The following PTPRD variants were observed in gnomAD, a reference collection of about 807,000 sequenced individuals.
The protein encoded by PTPRD is receptor-type tyrosine-protein phosphatase delta.
A neutral mutation model predicts 214.5 loss-of-function variants in PTPRD; 34 were observed. The ratio of observed to expected loss-of-function variants is 0.16; its 90% CI spans 0.12 to 0.21. The LOEUF is 0.21. Ranked by LOEUF, PTPRD falls within the 10% of genes least tolerant of loss-of-function variation. PTPRD has a pLI of 1.00. For synonymous variants in PTPRD, 1,128 were observed against 845.7 expected (o/e 1.33, Z -5.79); for missense variants, 2,545 against 2,398.7 (o/e 1.06, Z -1.27).
At chr9:9,312,909 G>A (rs551592744) in intron 9 of PTPRD, among the ~76,000 whole-genome samples, 1 of 152,256 alleles carries the variant, frequency 6.6e-6, no homozygotes, top group Non-Finnish European at 1.5e-5. Context: ...ATCCTCACAA[G>A]TTTTGCTTTG....
At chr9:8,821,644 G>C (rs150679073) in intron 11 of PTPRD, among the ~76,000 whole-genome samples, 2 of 152,288 alleles carry the variant, frequency 1.3e-5, no homozygotes, top group East Asian at 3.9e-4. Context: ...TTTCTAAGTA[G>C]AAATAACAAC....
At chr9:10,600,809 C>T (rs1178458515) in intron 2 of PTPRD, among the ~76,000 whole-genome samples, 1 of 151,690 alleles carries the variant, frequency 6.6e-6, no homozygotes, top group Non-Finnish European at 1.5e-5. Flanking sequence ...AAAGAAGTCT[C>T]ATACAGAGTA....
At chr9:8,746,622 T>C (rs987323823) in intron 11 of PTPRD, among the ~76,000 whole-genome samples, 3 of 152,198 alleles carry the variant, frequency 2.0e-5, no homozygotes, top group African/African-American at 7.2e-5. Context: ...CCAAACTTTC[T>C]AGAAACCAAT....
intron 11 of PTPRD, among the ~76,000 whole-genome samples, chr9:8,848,389 G>A (rs1230530168): frequency 6.9e-6 from 1 of 144,048 alleles, no homozygotes. Flanking sequence ...AGACTAGAAT[G>A]CAGTGGCACG....
intron 3 of PTPRD, among the ~76,000 whole-genome samples, chr9:10,089,134 G>C (rs1237822816): frequency 6.6e-6 from 1 of 151,318 alleles, no homozygotes; most frequent in African/African-American, 2.4e-5. Context: ...TTAAGCCTAG[G>C]AGTTTGAGGT....
At chr9:8,808,262 A>G (rs2096727467) in intron 11 of PTPRD, among the ~76,000 whole-genome samples, 1 of 152,164 alleles carries the variant, frequency 6.6e-6, no homozygotes, top group African/African-American at 2.4e-5. Flanking sequence ...TGAGAGGTGA[A>G]CAACAGCAAC....
At chr9:8,860,860 T>C (rs1435956192) in intron 11 of PTPRD, 2 of 152,226 alleles carry the variant, frequency 1.3e-5, no homozygotes, top group Admixed American at 1.3e-4. Flanking sequence ...TCAGACATCA[T>C]GATCCAGTGC....
chr9:8,454,551 A>G, intron 33 of PTPRD: 2 of 1,612,338 alleles, frequency 1.2e-6, no homozygotes, highest in Non-Finnish European at 1.7e-6. Context: ...CTTACTGAAC[A>G]TTAAAGGGGT....
At chr9:9,939,837 G>A (rs928194704) in intron 4 of PTPRD, among the ~76,000 whole-genome samples, 1 of 152,156 alleles carries the variant, frequency 6.6e-6, no homozygotes, top group Non-Finnish European at 1.5e-5. Context: ...ATTGCTTAAT[G>A]TAAATCAAAC....
intron 11 of PTPRD, among the ~76,000 whole-genome samples, chr9:8,951,590 T>G (rs2099102523): frequency 6.6e-6 from 1 of 151,980 alleles, no homozygotes; most frequent in Non-Finnish European, 1.5e-5. Flanking sequence ...CCATCTCCTA[T>G]GTCTAATGTT....
chr9:8,869,123 A>G (rs1008924338), intron 11 of PTPRD, among the ~76,000 whole-genome samples: 12 of 152,176 alleles, frequency 7.9e-5, no homozygotes, highest in Admixed American at 3.3e-4. Context: ...CTTGGAAGCA[A>G]ATTGAAACTA....
intron 10 of PTPRD, among the ~76,000 whole-genome samples, chr9:9,037,358 T>G (rs111740942): frequency 6.6e-6 from 1 of 152,030 alleles, no homozygotes; most frequent in Non-Finnish European, 1.5e-5. Flanking sequence ...TAAAATAGAA[T>G]GAACAAAGGA....
intron 3 of PTPRD, among the ~76,000 whole-genome samples, chr9:10,172,116 A>G (rs1179358077): frequency 6.6e-6 from 1 of 152,174 alleles, no homozygotes; most frequent in Non-Finnish European, 1.5e-5. Context: ...ATGGTTCTTA[A>G]GGAGTCAAAA....
intron 9 of PTPRD, among the ~76,000 whole-genome samples, chr9:9,276,354 T>C (rs557407265): frequency 5.9e-5 from 9 of 151,488 alleles, no homozygotes; most frequent in African/African-American, 2.2e-4. Flanking sequence ...ATGTTACACT[T>C]GGCAACAACT....
Position 8,337,949 on chromosome 9 carries a change from C to T in PTPRD, c.5379+973G>A, listed in dbSNP as rs148758895. On this transcript the variant is annotated intron_variant, in intron 43 of 45. Transcript: ENST00000381196. The stretch of plus-strand genomic sequence containing the variant: ...TTAACTGCTGCCTTGAATACTGTCA[C>T]CTTCAGAATAGTTAATATAACTTTC... Among the ~76,000 whole-genome samples, 531 of 151,934 alleles carry T rather than the reference C, an allele frequency of 3.5e-3. 4 individuals carry two copies. The highest frequency in any genetic ancestry group is 0.012 in the African/African-American group (495 of 41,436).
chr9:8,915,417 A>C (rs2098778037), intron 11 of PTPRD, among the ~76,000 whole-genome samples: 1 of 152,200 alleles, frequency 6.6e-6, no homozygotes, highest in South Asian at 2.1e-4. Flanking sequence ...AAGTAAGATC[A>C]ACGGGGATTG....
intron 9 of PTPRD, among the ~76,000 whole-genome samples, chr9:9,246,816 G>C (rs1265156876): frequency 1.3e-5 from 2 of 151,976 alleles, no homozygotes; most frequent in African/African-American, 4.8e-5. Flanking sequence ...TGAAACTTCA[G>C]GAAGTTTCCT....
chr9:8,728,836 C>T (rs1450553045), intron 12 of PTPRD, among the ~76,000 whole-genome samples: 4 of 151,932 alleles, frequency 2.6e-5, no homozygotes, highest in African/African-American at 9.7e-5. Flanking sequence ...AAAAATTAGC[C>T]GGGCATGGTG....
At chr9:8,491,118 G>A (rs2097140413) in intron 27 of PTPRD, among the ~76,000 whole-genome samples, 1 of 152,220 alleles carries the variant, frequency 6.6e-6, no homozygotes, top group Non-Finnish European at 1.5e-5. Flanking sequence ...GGATTCTTCT[G>A]CCTTCTTCCC....
Sources: gnomAD v4.1 joint callset for allele counts (sites outside exome capture counted in the v4.1 genomes callset) on GRCh38, gnomAD v4.1.1 for gene constraint, MANE v1.5 for transcripts, NCBI Gene and HGNC (gene_info 2026-07-23, HGNC 2026-07-21) for gene names.